CTDSPL2: variants seen among roughly 807,000 people sequenced by gnomAD.
CTDSPL2 encodes the protein CTD small phosphatase-like protein 2.
A neutral mutation model predicts 60.0 loss-of-function variants in CTDSPL2; 5 were observed. The observed-to-expected ratio is 0.08, with a 90% CI of 0.04 to 0.18. The LOEUF (loss-of-function observed/expected upper bound fraction) is 0.18. CTDSPL2 is among the 10% of genes least tolerant of loss of function. The pLI, the probability that CTDSPL2 is intolerant of heterozygous loss-of-function variation, is 1.00. For missense variants in CTDSPL2, 370 were observed against 548.8 expected, an observed-to-expected ratio of 0.67 and a Z score of 3.26; for synonymous variants, 186 against 189.3, an observed-to-expected ratio of 0.98 and a Z score of 0.14.
In CTDSPL2 at chr15:44,486,675, C is replaced by CT; in HGVS notation, c.457dup (p.Ser153PhefsTer5). On this transcript the variant is annotated frameshift_variant, in exon 4 of 13. Transcript: ENST00000260327. LOFTEE classifies it high-confidence loss of function. Reference sequence around the variant, plus strand: ...GGACCATATTTTCACCTGTCTTCAACTTTTTTTCACCAGCAAATAAAAATG... The same window carrying CT: ...GGACCATATTTTCACCTGTCTTCAACTTTTTTTTCACCAGCAAATAAAAATG... 12 of 1,577,438 alleles carry CT rather than the reference C, an allele frequency of 7.6e-6. No individual in the cohort carries two copies. Among genetic ancestry groups the CT allele is most frequent in the South Asian group, 3.7e-5 (3 of 81,998 alleles).
At chr15:44,513,593 A>C (rs1389329531) in intron 8 of CTDSPL2, among the ~76,000 whole-genome samples, 1 of 152,238 alleles carries the variant, frequency 6.6e-6, no homozygotes, top group African/African-American at 2.4e-5. Flanking sequence ...TATGGATGCC[A>C]GAATTGAAAC....
chr15:44,496,616 C>T (rs1162143654), intron 6 of CTDSPL2, among the ~76,000 whole-genome samples, 158 bp downstream of exon 6: 1 of 152,088 alleles, frequency 6.6e-6, no homozygotes, highest in African/African-American at 2.4e-5. Context: ...CATCCCAGCA[C>T]TTTGAGAGAC....
At chr15:44,476,214 G>A (rs544717824) in intron 2 of CTDSPL2, among the ~76,000 whole-genome samples, 193 of 152,030 alleles carry the variant, frequency 1.3e-3, no homozygotes, top group Non-Finnish European at 2.0e-3. Context: ...GACTACAGGC[G>A]CCCACCACCA....
At chr15:44,479,887 T>A (rs535291301) in intron 2 of CTDSPL2, among the ~76,000 whole-genome samples, 1 of 152,326 alleles carries the variant, frequency 6.6e-6, no homozygotes, top group African/African-American at 2.4e-5. Flanking sequence ...TATGTGAAAT[T>A]AGTTTTTCTG....
intron 8 of CTDSPL2, among the ~76,000 whole-genome samples, chr15:44,509,295 C>T (rs2081525828): frequency 1.3e-5 from 2 of 152,052 alleles, no homozygotes; most frequent in Non-Finnish European, 2.9e-5. Context: ...TCCACCTTCG[C>T]TGTTCCAGTG....
intron 1 of CTDSPL2, 73 bp downstream of exon 1, chr15:44,427,845 G>T (rs1352673176): frequency 5.0e-6 from 2 of 396,194 alleles, no homozygotes; most frequent in Non-Finnish European, 8.9e-6. Flanking sequence ...CCGTCTGCCG[G>T]GATCTCCTCC....
chr15:44,469,820 G>A (rs938186230), intron 2 of CTDSPL2, among the ~76,000 whole-genome samples: 2 of 152,198 alleles, frequency 1.3e-5, no homozygotes, highest in Non-Finnish European at 2.9e-5. Flanking sequence ...AATGGTGGCC[G>A]GGCGCGGTGG....
In CTDSPL2 at chr15:44,513,449, A is replaced by G. The variant is rs2081599766; in HGVS notation, c.970-1149A>G. ...GCCATTGCACTCCAGCCTGGGCCGTAAGAGTGAAACTCCATCTCAAACAAA... is the reference window on the plus strand; with the variant it reads ...GCCATTGCACTCCAGCCTGGGCCGTGAGAGTGAAACTCCATCTCAAACAAA... On this transcript the variant is annotated intron_variant, in intron 8 of 12. Coordinates refer to ENST00000260327, the MANE Select transcript of CTDSPL2 (RefSeq NM_016396.3). Among the ~76,000 whole-genome samples, 2 of 152,232 alleles carry G rather than the reference A, an allele frequency of 1.3e-5. 1 individual carries two copies. Among genetic ancestry groups the G allele is most frequent in the South Asian group, 4.1e-4 (2 of 4,834 alleles).
intron 8 of CTDSPL2, among the ~76,000 whole-genome samples, chr15:44,506,025 C>CTTTTTTTTTTTTTGTTTTTTT (rs2081456408): frequency 8.5e-6 from 1 of 117,580 alleles, no homozygotes; most frequent in African/African-American, 3.1e-5. Flanking sequence ...TCATTGGTAA[C>CTTTTTTTTTTTTTGTTTTTTT]TTTTTTTTTT....
chr15:44,486,305 G>C (rs2081117986), intron 3 of CTDSPL2, among the ~76,000 whole-genome samples: 1 of 152,152 alleles, frequency 6.6e-6, no homozygotes, highest in African/African-American at 2.4e-5. Context: ...GTCTATAGGT[G>C]TAAATCTACT....
chr15:44,451,911 C>T (rs977874660), intron 1 of CTDSPL2, among the ~76,000 whole-genome samples: 17 of 152,172 alleles, frequency 1.1e-4, no homozygotes, highest in African/African-American at 3.4e-4. Flanking sequence ...AACTAATGAT[C>T]GGACCAATCA....
intron 2 of CTDSPL2, among the ~76,000 whole-genome samples, chr15:44,480,700 T>A (rs1167618640): frequency 6.6e-6 from 1 of 151,722 alleles, no homozygotes; most frequent in Non-Finnish European, 1.5e-5. Context: ...GGGCGTGATG[T>A]TATGTGTCTG....
Position 44,527,705 on chromosome 15 carries a change from A to G in CTDSPL2, c.*3531A>G, listed in dbSNP as rs1352847675. The G allele has an allele frequency of 6.6e-6, 1 of 152,232 alleles. No homozygotes were observed. Among genetic ancestry groups the G allele is most frequent in the East Asian group, 1.9e-4 (1 of 5,208 alleles). The allele number at this position is 152,232 out of a possible 1,614,324, so 9.4% of individuals were successfully genotyped here. A position where few individuals can be genotyped will look rare whatever the true frequency, so the allele number is the denominator to read the frequency against. Reference sequence around the variant, plus strand: ...GTGTATCTAAATTAACTTAGTTAATAGTTACCCACCGAATAACTATGCCAA... The same window carrying G: ...GTGTATCTAAATTAACTTAGTTAATGGTTACCCACCGAATAACTATGCCAA... On this transcript the variant is annotated 3_prime_UTR_variant, in exon 13 of 13. Transcript: ENST00000260327.
At chr15:44,448,858 G>T in intron 1 of CTDSPL2, 1 of 396,110 alleles carries the variant, frequency 2.5e-6, no homozygotes. Context: ...TACCTGCGTT[G>T]GTCTATCACA....
chr15:44,437,258 AT>A (rs11317828), intron 1 of CTDSPL2, among the ~76,000 whole-genome samples: 4,589 of 152,290 alleles, frequency 0.03, 247 homozygotes, highest in African/African-American at 0.1. Flanking sequence ...TAGCAAATAC[AT>A]TTGTAAAGAG....
At chr15:44,511,609 G>A (rs1307895914) in intron 8 of CTDSPL2, among the ~76,000 whole-genome samples, 1 of 152,112 alleles carries the variant, frequency 6.6e-6, no homozygotes, top group Non-Finnish European at 1.5e-5. Flanking sequence ...GGTGGCTGAT[G>A]CCTGTAATAC....
At chr15:44,433,216 G>A (rs1275663121) in intron 1 of CTDSPL2, among the ~76,000 whole-genome samples, 2 of 151,204 alleles carry the variant, frequency 1.3e-5, no homozygotes, top group Non-Finnish European at 2.9e-5. Flanking sequence ...TAGCGGGGCT[G>A]AGTAGGGGGA....
At chr15:44,500,179 A>C (rs2081363278) in intron 8 of CTDSPL2, among the ~76,000 whole-genome samples, 1 of 152,212 alleles carries the variant, frequency 6.6e-6, no homozygotes, top group Non-Finnish European at 1.5e-5. Context: ...ATACAAAGAA[A>C]ACTCATTCCT....
At chr15:44,524,063 C>G in intron 12 of CTDSPL2, 46 bp from the exon 13 acceptor site, 2 of 1,440,114 alleles carry the variant, frequency 1.4e-6, no homozygotes, top group South Asian at 1.1e-5. Context: ...AGGATCATAT[C>G]TTTGAAATTT....
Sources: allele counts gnomAD v4.1 joint callset (sites outside exome capture counted in the v4.1 genomes callset), GRCh38; gene constraint gnomAD v4.1.1; transcripts MANE v1.5; gene names NCBI Gene and HGNC (gene_info 2026-07-23, HGNC 2026-07-21).